The following MICU1 variants were observed in gnomAD, a reference collection of about 807,000 sequenced individuals.
MICU1 encodes calcium uptake protein 1, mitochondrial.
MICU1 carries 45 observed loss-of-function variants against 56.8 expected under a neutral mutation model. The observed-to-expected ratio is 0.79, with a 90% CI of 0.62 to 1.02. The LOEUF (loss-of-function observed/expected upper bound fraction) is 1.02. Ranked by LOEUF, MICU1 falls within the 50% of genes least tolerant of loss-of-function variation. MICU1 has a pLI of 0.00. For missense variants in MICU1, 504 were observed against 587.1 expected (o/e 0.86, Z 1.46); for synonymous variants, 186 against 195.1 (o/e 0.95, Z 0.39).
chr10:72,576,357 A>T (rs549622683), intron 1 of MICU1, among the ~76,000 whole-genome samples: 3 of 152,304 alleles, frequency 2.0e-5, no homozygotes, highest in African/African-American at 7.2e-5. Context: ...GAAAAAAATT[A>T]AAAGTGCTAC....
chr10:72,472,127 C>T (rs1007432139), intron 8 of MICU1, among the ~76,000 whole-genome samples: 2 of 152,134 alleles, frequency 1.3e-5, no homozygotes. Context: ...CATACATTTT[C>T]TTCATTCTGT....
At chr10:72,388,924 C>T (rs757826204) in intron 10 of MICU1, among the ~76,000 whole-genome samples, 5 of 152,190 alleles carry the variant, frequency 3.3e-5, no homozygotes, top group South Asian at 2.1e-4. Flanking sequence ...TGGATAACCA[C>T]GATCAAGTGG....
intron 10 of MICU1, among the ~76,000 whole-genome samples, chr10:72,385,172 C>T (rs754152801): frequency 6.6e-6 from 1 of 152,080 alleles, no homozygotes; most frequent in Non-Finnish European, 1.5e-5. Context: ...GTGATTTCAG[C>T]AAGTCATTTC....
chr10:72,438,603 A>T (rs1864815614), intron 8 of MICU1, among the ~76,000 whole-genome samples: 1 of 152,200 alleles, frequency 6.6e-6, no homozygotes, highest in African/African-American at 2.4e-5. Flanking sequence ...AAATCAATGA[A>T]TCCAGGAGCT....
chr10:72,379,574 G>T (rs1479960022), intron 10 of MICU1: 5 of 427,428 alleles, frequency 1.2e-5, no homozygotes, highest in Non-Finnish European at 2.4e-5. Flanking sequence ...CATGAAGATG[G>T]TGCCCTTTCC....
At chr10:72,402,935 A>G (rs1469599558) in intron 10 of MICU1, among the ~76,000 whole-genome samples, 2 of 152,128 alleles carry the variant, frequency 1.3e-5, no homozygotes, top group African/African-American at 4.8e-5. Context: ...GTCCCAGCTA[A>G]CCAGGAGGCT....
chr10:72,610,871 ATTACT>A (rs1010708709), intron 1 of MICU1, among the ~76,000 whole-genome samples: 23 of 152,332 alleles, frequency 1.5e-4, no homozygotes, highest in African/African-American at 4.3e-4. Flanking sequence ...AACATGATAC[ATTACT>A]TTACCTTGTA....
chr10:72,500,163 A>G (rs1866975592), intron 6 of MICU1, among the ~76,000 whole-genome samples: 1 of 150,842 alleles, frequency 6.6e-6, no homozygotes, highest in Non-Finnish European at 1.5e-5. Context: ...CTGGGTACCA[A>G]ACATTTTTGC....
chr10:72,414,108 T>C (rs537893962), intron 9 of MICU1, among the ~76,000 whole-genome samples: 1 of 152,284 alleles, frequency 6.6e-6, no homozygotes, highest in East Asian at 1.9e-4. Flanking sequence ...ACAACCCAGG[T>C]ATTTCACTCC....
intron 6 of MICU1, among the ~76,000 whole-genome samples, chr10:72,490,764 T>C (rs1435283929): frequency 2.6e-5 from 4 of 152,244 alleles, no homozygotes; most frequent in Non-Finnish European, 5.9e-5. Context: ...GTTTACACTA[T>C]ATAGCACCAA....
chr10:72,381,888 T>C (rs1862714408), intron 10 of MICU1, among the ~76,000 whole-genome samples: 1 of 151,546 alleles, frequency 6.6e-6, no homozygotes, highest in South Asian at 2.1e-4. Context: ...CATCATTAGG[T>C]AGTCAATGAT....
At chr10:72,438,275 GAAC>G (rs1286485504) in intron 8 of MICU1, among the ~76,000 whole-genome samples, 1 of 152,200 alleles carries the variant, frequency 6.6e-6, no homozygotes, top group Non-Finnish European at 1.5e-5. Context: ...CATGGAAACT[GAAC>G]AACTTGCTCC....
intron 10 of MICU1, among the ~76,000 whole-genome samples, chr10:72,389,519 T>C (rs950427392): frequency 6.6e-6 from 1 of 152,228 alleles, no homozygotes; most frequent in Non-Finnish European, 1.5e-5. Context: ...ACTGCACGTA[T>C]AGAATAACTA....
chr10:72,379,623 CAGTG>C (rs1278471651), intron 10 of MICU1: 1 of 398,074 alleles, frequency 2.5e-6, no homozygotes, highest in Admixed American at 2.9e-5. Context: ...TCAAGGATGT[CAGTG>C]AGAGCTCTTG....
intron 5 of MICU1, among the ~76,000 whole-genome samples, chr10:72,521,223 T>C (rs1867810712): frequency 6.6e-6 from 1 of 152,118 alleles, no homozygotes; most frequent in African/African-American, 2.4e-5. Flanking sequence ...AAAATTAAAG[T>C]TTCACTCTGA....
intron 1 of MICU1, among the ~76,000 whole-genome samples, chr10:72,601,903 G>A (rs111699722): frequency 1.3e-4 from 19 of 151,344 alleles, no homozygotes; most frequent in South Asian, 8.3e-4. Context: ...AGGTTCAAGC[G>A]ATTCTTCTGC....
chr10:72,420,633 C>T (rs961250072), intron 9 of MICU1, among the ~76,000 whole-genome samples: 3 of 151,548 alleles, frequency 2.0e-5, no homozygotes, highest in African/African-American at 7.3e-5. Flanking sequence ...CTAGCCTTAG[C>T]ACTGCTTTGT....
intron 10 of MICU1, among the ~76,000 whole-genome samples, chr10:72,377,263 G>A (rs1016684801): frequency 2.0e-5 from 3 of 152,026 alleles, no homozygotes; most frequent in African/African-American, 4.8e-5. Flanking sequence ...GGGACTACTG[G>A]TGCCTGCCAT....
intron 1 of MICU1, among the ~76,000 whole-genome samples, chr10:72,603,194 C>T (rs1041202375): frequency 6.6e-6 from 1 of 151,566 alleles, no homozygotes; most frequent in Non-Finnish European, 1.5e-5. Flanking sequence ...CGAGACCAGC[C>T]TGGTCAACAT....
Sources: allele counts gnomAD v4.1 joint callset (sites outside exome capture counted in the v4.1 genomes callset), GRCh38; gene constraint gnomAD v4.1.1; transcripts MANE v1.5; gene names NCBI Gene and HGNC (gene_info 2026-07-23, HGNC 2026-07-21).